The following NTNG2 variants were observed in gnomAD, a reference collection of about 807,000 sequenced individuals.
The protein encoded by NTNG2 is netrin-G2.
A neutral mutation model predicts 47.6 loss-of-function variants in NTNG2; 15 were observed. The ratio of observed to expected loss-of-function variants is 0.32; its 90% confidence interval spans 0.21 to 0.49. NTNG2 has a LOEUF of 0.49. Ranked by LOEUF, NTNG2 falls within the 20% of genes least tolerant of loss-of-function variation. The probability of loss-of-function intolerance (pLI) is 0.99; values close to 1 mark genes in which losing one functional copy is unlikely to be tolerated. For synonymous variants in NTNG2, 307 were observed against 324.6 expected, an observed-to-expected ratio of 0.95 and a Z score of 0.58; for missense variants, 578 against 764.6, an observed-to-expected ratio of 0.76 and a Z score of 2.88.
chr9:132,234,884 T>C (rs1323184648), intron 5 of NTNG2, among the ~76,000 whole-genome samples: 6 of 152,232 alleles, frequency 3.9e-5, no homozygotes, highest in Non-Finnish European at 8.8e-5. Context: ...GCTGGTAGCT[T>C]TTCCTTTTCT....
rs922190055 is a variant in NTNG2, at chr9:132,231,237, T to C, written c.1054+642T>C. On this transcript the variant is annotated intron_variant, in intron 5 of 7. Transcript: ENST00000393229. The surrounding 1 kb of genome is among the most constrained non-coding windows in gnomAD (Gnocchi z 4.1). ...ATGGCGCCCACAGGTTATCAGTAAA[T>C]GTCATCGAGACTGTCCCCAGACACT... 1.1e-5 allele frequency: 5 copies of C among 449,550 alleles called. No individual in the cohort carries two copies. The highest frequency in any genetic ancestry group is 1.0e-4 in the African/African-American group (5 of 49,702). 27.8% of individuals were successfully genotyped at this position (449,550 alleles called of 1,614,324 possible). A position where few individuals can be genotyped will look rare whatever the true frequency, so the allele number is the denominator to read the frequency against.
At chr9:132,196,658 A>G (rs1260018757) in intron 2 of NTNG2, among the ~76,000 whole-genome samples, 1 of 152,170 alleles carries the variant, frequency 6.6e-6, no homozygotes, top group Non-Finnish European at 1.5e-5. Flanking sequence ...GCCTGTTTCC[A>G]TCAGTGACAC....
Position 132,197,897 on chromosome 9 carries a change from G to A in NTNG2, c.214-69G>A, listed in dbSNP as rs1399532106. On this transcript the variant is annotated intron_variant, in intron 2 of 7. Transcript: ENST00000393229. The surrounding 1 kb of genome is among the most constrained non-coding windows in gnomAD (Gnocchi z 4.3). The stretch of plus-strand genomic sequence containing the variant: ...TCGGTTCGCAGGCAGGGGCTAGGCC[G>A]CGCAGAGGCTTCCCAGGCCATCCCG... 1.9e-5 allele frequency: 28 copies of A among 1,484,958 alleles called. No homozygotes were observed. The highest frequency in any genetic ancestry group is 2.5e-5 in the Non-Finnish European group (27 of 1,097,392). The allele number at this position is 1,484,958 out of a possible 1,614,324, so 92.0% of individuals were successfully genotyped here. A position where few individuals can be genotyped will look rare whatever the true frequency, so the allele number is the denominator to read the frequency against.
At chr9:132,201,824 A>G (rs1212289640) in intron 3 of NTNG2, among the ~76,000 whole-genome samples, 1 of 152,182 alleles carries the variant, frequency 6.6e-6, no homozygotes, top group Non-Finnish European at 1.5e-5. Flanking sequence ...CAGATCCCAC[A>G]AGCCAAAGAC....
rs1842030264 is a variant in NTNG2 at position 132,242,117 on chromosome 9, G to A, written c.*6G>A. On this transcript the variant is annotated 3_prime_UTR_variant, in exon 8 of 8. Transcript: ENST00000393229. The surrounding 1 kb of genome is among the most constrained non-coding windows in gnomAD (Gnocchi z 5.9). Reference sequence around the variant, plus strand: ...CCGCCCGCCTGGGCCGCTGAGCCCCGCCCGGAGGACGCTCCCCGCACCCGG... The same window carrying A: ...CCGCCCGCCTGGGCCGCTGAGCCCCACCCGGAGGACGCTCCCCGCACCCGG... 2.0e-5 allele frequency: 23 copies of A among 1,122,982 alleles called. No individual in the cohort carries two copies. In the South Asian group the frequency reaches 9.4e-4, roughly 46 times the overall value. 69.6% of individuals were successfully genotyped at this position (1,122,982 alleles called of 1,614,324 possible).
chr9:132,232,245 CT>C lies in NTNG2; in HGVS notation c.1054+1651del, dbSNP rs1399172577. 7.2e-5 allele frequency: 11 copies of C among 152,720 alleles called. No individual in the cohort carries two copies. In the East Asian group the frequency reaches 2.1e-3, roughly 29 times the overall value. The allele number at this position is 152,720 out of a possible 1,614,324, so 9.5% of individuals were successfully genotyped here. A position where few individuals can be genotyped will look rare whatever the true frequency, so the allele number is the denominator to read the frequency against. On this transcript the variant is annotated intron_variant, in intron 5 of 7. Coordinates refer to ENST00000393229, the MANE Select transcript of NTNG2 (RefSeq NM_032536.4). Reference sequence around the variant, plus strand: ...TCCCCACCTGGCCCCCAGGGCCTCTCTGTCCTTAGCCCCTCAGCAGCACACC... The same window carrying C: ...TCCCCACCTGGCCCCCAGGGCCTCTCGTCCTTAGCCCCTCAGCAGCACACC...
At chr9:132,206,779 C>T (rs528824138) in intron 3 of NTNG2, among the ~76,000 whole-genome samples, 5 of 152,404 alleles carry the variant, frequency 3.3e-5, no homozygotes, top group African/African-American at 4.8e-5. Context: ...ATCTCCCAGG[C>T]CCCCTGAGCT....
Position 132,197,917 on chromosome 9 carries a change from A to G in NTNG2, c.214-49A>G, listed in dbSNP as rs1407208334. On this transcript the variant is annotated intron_variant, in intron 2 of 7. Transcript: ENST00000393229. This position sits in a 1 kb window ranked among gnomAD's most constrained non-coding sequence, Gnocchi z 4.3. ...AGGCCGCGCAGAGGCTTCCCAGGCC[A>G]TCCCGAGCATCCAGCACCCACCCTT... The G allele has an allele frequency of 6.4e-7, 1 of 1,554,102 alleles. No individual in the cohort carries two copies. Among genetic ancestry groups the G allele is most frequent in the Non-Finnish European group, 8.7e-7 (1 of 1,148,040 alleles).
chr9:132,196,010 A>T (rs912228344), intron 2 of NTNG2, among the ~76,000 whole-genome samples: 15 of 151,852 alleles, frequency 9.9e-5, no homozygotes, highest in Admixed American at 3.3e-4. Context: ...GGCTCAAGTG[A>T]CCCTCCTGCC....
chr9:132,216,072 C>G (rs1251483212), intron 3 of NTNG2, among the ~76,000 whole-genome samples: 2 of 152,106 alleles, frequency 1.3e-5, no homozygotes, highest in Non-Finnish European at 2.9e-5. Flanking sequence ...ACCTTCCTGC[C>G]TTTGCCTAGC....
At position 132,243,738 on chromosome 9, in the gene NTNG2, G is replaced by A. The variant is rs977860937; in HGVS notation, c.*1627G>A. The A allele has an allele frequency of 5.3e-5, 8 of 152,370 alleles. No individual in the cohort carries two copies. Among genetic ancestry groups the A allele is most frequent in the African/African-American group, 1.9e-4 (8 of 41,450 alleles). 9.4% of individuals were successfully genotyped at this position (152,370 alleles called of 1,614,324 possible). On this transcript the variant is annotated 3_prime_UTR_variant, in exon 8 of 8. Coordinates refer to ENST00000393229, the MANE Select transcript of NTNG2 (RefSeq NM_032536.4). ...CCCAAAGCTAAGCTAAGACCAAGTG[G>A]AACAAACTTGGCCTTGGGGACAGCA... is the stretch of plus-strand genomic sequence containing the variant.
At chr9:132,192,910 T>C (rs1838006089) in intron 2 of NTNG2, among the ~76,000 whole-genome samples, 1 of 152,248 alleles carries the variant, frequency 6.6e-6, no homozygotes, top group Non-Finnish European at 1.5e-5. Flanking sequence ...CATTAGTTTC[T>C]GACCATCTGC....
At position 132,198,739 on chromosome 9, in the gene NTNG2, T is replaced by TC; in HGVS notation, c.857+133dup. ...CCGGGTTCTTGGGATGTTACCTGGT[T>TC]CCCTGGGCGTTACCTGGTATGTGAT... On this transcript the variant is annotated intron_variant, in intron 3 of 7. Coordinates refer to ENST00000393229, the MANE Select transcript of NTNG2 (RefSeq NM_032536.4). 4.2e-6 allele frequency: 4 copies of TC among 952,948 alleles called. No individual in the cohort carries two copies. In the South Asian group the frequency reaches 5.1e-5, roughly 12 times the overall value. 59.0% of individuals were successfully genotyped at this position (952,948 alleles called of 1,614,324 possible). A position where few individuals can be genotyped will look rare whatever the true frequency, so the allele number is the denominator to read the frequency against.
At chr9:132,174,408 C>A (rs943615289) in intron 2 of NTNG2, among the ~76,000 whole-genome samples, 5 of 151,854 alleles carry the variant, frequency 3.3e-5, no homozygotes, top group Non-Finnish European at 7.4e-5. Context: ...CACCATGCTG[C>A]GGATGAGAAC....
chr9:132,173,413 G>T (rs1477610475), intron 2 of NTNG2, among the ~76,000 whole-genome samples: 3 of 152,194 alleles, frequency 2.0e-5, no homozygotes, highest in African/African-American at 7.2e-5. Flanking sequence ...CAGACACCCC[G>T]TGGAAGGCAG....
At chr9:132,181,237 C>G (rs964913255) in intron 2 of NTNG2, among the ~76,000 whole-genome samples, 2 of 152,064 alleles carry the variant, frequency 1.3e-5, no homozygotes, top group African/African-American at 2.4e-5. Context: ...GCATGCACCA[C>G]CATGCCTGGC....
In NTNG2 at chr9:132,239,184, A is replaced by G; in HGVS notation, c.1135A>G (p.Asn379Asp). The G allele has an allele frequency of 6.2e-7, 1 of 1,613,948 alleles. No homozygotes were observed. Among genetic ancestry groups the G allele is most frequent in the South Asian group, 1.1e-5 (1 of 91,090 alleles). Residue 379 changes from asparagine (N) to aspartate (D), a missense_variant, in exon 6 of 8, where the codon AAC becomes GAC. Coordinates refer to ENST00000393229, the MANE Select transcript of NTNG2 (RefSeq NM_032536.4). ...GGTGACCTGCGTCAGCTGCAAGCAC[A>G]ACACGCGAGGTCAGCACTGCCAGCA... ...NVVTCVSCKH[N>D]TRGQHCQHCR... is the part of the protein sequence containing the mutation.
intron 5 of NTNG2, among the ~76,000 whole-genome samples, chr9:132,234,834 A>G (rs1841504236): frequency 6.6e-6 from 1 of 152,298 alleles, no homozygotes; most frequent in Admixed American, 6.5e-5. Flanking sequence ...TCATGTCCAA[A>G]GCTCCCCGCT....
At position 132,197,144 on chromosome 9, in the gene NTNG2, C is replaced by G. The variant is rs1433603734; in HGVS notation, c.214-822C>G. Among the ~76,000 whole-genome samples the G allele has an allele frequency of 6.6e-6, 1 of 152,158 alleles. No homozygotes were observed. Among genetic ancestry groups the G allele is most frequent in the Non-Finnish European group, 1.5e-5 (1 of 68,038 alleles). The stretch of plus-strand genomic sequence containing the variant: ...GTGGCTCACGTCTGCAATCCCAGCA[C>G]TTTGGGAGGGCAAGCCAGGTGGATC... On this transcript the variant is annotated intron_variant, in intron 2 of 7. Coordinates refer to ENST00000393229, the MANE Select transcript of NTNG2 (RefSeq NM_032536.4). This position sits in a 1 kb window ranked among gnomAD's most constrained non-coding sequence, Gnocchi z 4.3.
Sources: allele counts gnomAD v4.1 joint callset (sites outside exome capture counted in the v4.1 genomes callset), GRCh38; gene constraint gnomAD v4.1.1; non-coding constraint Gnocchi (gnomAD v3.1); transcripts MANE v1.5; gene names NCBI Gene and HGNC (gene_info 2026-07-23, HGNC 2026-07-21).